The following CNTN5 variants were observed in gnomAD, a reference collection of about 807,000 sequenced individuals.
CNTN5 encodes contactin-5.
In CNTN5, 77 loss-of-function variants were observed where a neutral mutation model predicts 129.1. The ratio of observed to expected loss-of-function variants is 0.60; its 90% CI spans 0.50 to 0.72. CNTN5 has a LOEUF of 0.72. CNTN5 is among the 30% of genes least tolerant of loss of function. The pLI is 0.00. For missense variants in CNTN5, 1,478 were observed against 1,328.8 expected, an observed-to-expected ratio of 1.11 and a Z score of -1.75; for synonymous variants, 509 against 465.6, an observed-to-expected ratio of 1.09 and a Z score of -1.20.
intron 3 of CNTN5, among the ~76,000 whole-genome samples, chr11:99,651,772 T>C (rs977755723): frequency 6.6e-6 from 1 of 152,000 alleles, no homozygotes; most frequent in African/African-American, 2.4e-5. Context: ...TTCTTTAACA[T>C]GAAAATCAAC....
chr11:99,650,539 A>G (rs888786447), intron 3 of CNTN5, among the ~76,000 whole-genome samples: 6 of 151,904 alleles, frequency 3.9e-5, no homozygotes, highest in Admixed American at 6.6e-5. Context: ...GATGTTACAT[A>G]AACTACTTTC....
intron 13 of CNTN5, among the ~76,000 whole-genome samples, chr11:100,180,929 G>T (rs1948120436): frequency 6.6e-6 from 1 of 151,950 alleles, no homozygotes; most frequent in African/African-American, 2.4e-5. Flanking sequence ...TGTGTACAAA[G>T]TGGATCATTC....
At chr11:99,039,165 C>A (rs542050107) in intron 1 of CNTN5, among the ~76,000 whole-genome samples, 2 of 152,090 alleles carry the variant, frequency 1.3e-5, no homozygotes, top group South Asian at 2.1e-4. Context: ...GTAGAAACAT[C>A]AGCAATAAAA....
intron 7 of CNTN5, among the ~76,000 whole-genome samples, chr11:99,933,803 T>A (rs1950243520): frequency 6.6e-6 from 1 of 152,258 alleles, no homozygotes; most frequent in South Asian, 2.1e-4. Flanking sequence ...TTTATCCATT[T>A]ATCAGTTGAT....
intron 3 of CNTN5, among the ~76,000 whole-genome samples, chr11:99,655,142 A>G (rs986043462): frequency 1.3e-5 from 2 of 152,062 alleles, no homozygotes; most frequent in African/African-American, 4.8e-5. Context: ...TCTTCAAAAA[A>G]TCTTAAGTGG....
chr11:99,311,968 C>T (rs765497331), intron 1 of CNTN5, among the ~76,000 whole-genome samples: 6 of 152,124 alleles, frequency 3.9e-5, no homozygotes, highest in African/African-American at 1.2e-4. Context: ...TAAGCTACTA[C>T]CTCTGAAGAA....
rs574224965 is a variant in CNTN5, at chr11:99,639,738, G to A, written c.55+83469G>A. On this transcript the variant is annotated intron_variant, in intron 3 of 24. Coordinates refer to ENST00000524871, the MANE Select transcript of CNTN5 (RefSeq NM_014361.4). ...AGCCACTACGCCCAGCTAATTTTTT[G>A]TATTTAGTGGAGATGAGGTTTCACC... Among the ~76,000 whole-genome samples, 666 of 151,668 alleles carry A rather than the reference G, an allele frequency of 4.4e-3. 19 individuals carry two copies. The highest frequency in any genetic ancestry group is 6.8e-3 in the East Asian group (35 of 5,122).
chr11:100,218,752 G>A (rs1949196822), intron 15 of CNTN5, among the ~76,000 whole-genome samples: 1 of 152,112 alleles, frequency 6.6e-6, no homozygotes, highest in African/African-American at 2.4e-5. Context: ...CTGGGGAACT[G>A]CTTGAAGGTT....
chr11:99,753,412 G>A (rs1393534938), intron 3 of CNTN5, among the ~76,000 whole-genome samples: 4 of 151,354 alleles, frequency 2.6e-5, no homozygotes, highest in African/African-American at 7.3e-5. Flanking sequence ...GTGAGCCACC[G>A]CGCCCGGCCT....
At chr11:99,172,667 C>T (rs1861200031) in intron 1 of CNTN5, among the ~76,000 whole-genome samples, 1 of 152,116 alleles carries the variant, frequency 6.6e-6, no homozygotes, top group South Asian at 2.1e-4. Context: ...TAAATAAGCA[C>T]AACAATGAAT....
chr11:99,737,452 A>G (rs1591066385), intron 3 of CNTN5, among the ~76,000 whole-genome samples: 1 of 152,172 alleles, frequency 6.6e-6, no homozygotes, highest in African/African-American at 2.4e-5. Context: ...ACTACATTCC[A>G]GGTAGTTTGA....
chr11:100,217,013 T>A (rs1216859475), intron 15 of CNTN5, among the ~76,000 whole-genome samples: 6 of 152,172 alleles, frequency 3.9e-5, no homozygotes, highest in African/African-American at 1.4e-4. Context: ...TCAGCCCCAT[T>A]TTCTCAACTG....
At chr11:99,951,351 A>G (rs762164264) in intron 7 of CNTN5, among the ~76,000 whole-genome samples, 6 of 151,876 alleles carry the variant, frequency 4.0e-5, no homozygotes, top group Non-Finnish European at 8.8e-5. Context: ...ATATTTTCAT[A>G]ATATCCTCAA....
chr11:99,821,513 G>C (rs564822245), intron 4 of CNTN5, among the ~76,000 whole-genome samples: 1 of 152,066 alleles, frequency 6.6e-6, no homozygotes, highest in East Asian at 1.9e-4. Flanking sequence ...CTGACACTTT[G>C]ATTAGACAAT....
At chr11:99,581,763 T>C (rs1949603981) in intron 3 of CNTN5, among the ~76,000 whole-genome samples, 1 of 152,176 alleles carries the variant, frequency 6.6e-6, no homozygotes, top group Non-Finnish European at 1.5e-5. Flanking sequence ...TACAGCACAC[T>C]GTATTTTCTT....
intron 2 of CNTN5, among the ~76,000 whole-genome samples, chr11:99,357,164 G>A (rs1314137239): frequency 6.6e-5 from 10 of 151,820 alleles, no homozygotes; most frequent in Admixed American, 6.5e-4. Flanking sequence ...AAGGATGGCA[G>A]TGGCGTTTGA....
intron 1 of CNTN5, among the ~76,000 whole-genome samples, chr11:99,311,196 A>C (rs1243737140): frequency 2.0e-5 from 3 of 151,970 alleles, no homozygotes; most frequent in African/African-American, 7.2e-5. Flanking sequence ...CAAAGTGCTG[A>C]GATTACAGGC....
intron 1 of CNTN5, among the ~76,000 whole-genome samples, chr11:99,228,629 G>A (rs1462898711): frequency 6.6e-6 from 1 of 151,872 alleles, no homozygotes; most frequent in Non-Finnish European, 1.5e-5. Context: ...CAATTAAAAA[G>A]TTAAAAAATA....
intron 3 of CNTN5, among the ~76,000 whole-genome samples, chr11:99,637,879 C>A (rs546311296): frequency 2.0e-5 from 3 of 152,006 alleles, no homozygotes; most frequent in African/African-American, 7.3e-5. Flanking sequence ...TCTGAGCCAG[C>A]CTTTCAGCAT....
Sources: gnomAD v4.1 joint callset for allele counts (sites outside exome capture counted in the v4.1 genomes callset) on GRCh38, gnomAD v4.1.1 for gene constraint, MANE v1.5 for transcripts, NCBI Gene and HGNC (gene_info 2026-07-23, HGNC 2026-07-21) for gene names.